Variants in TRMO observed in about 807,000 individuals in gnomAD.
The protein encoded by TRMO is tRNA (adenine(37)-N6)-methyltransferase.
TRMO carries 30 observed loss-of-function variants against 37.2 expected under a neutral mutation model. That is an observed-to-expected ratio of 0.81 (90% CI 0.60 to 1.09). TRMO has a LOEUF of 1.09. Among genes scored for constraint, TRMO ranks in the 50% least tolerant of loss-of-function variants. The pLI is 0.00. For synonymous variants in TRMO, 239 were observed against 199.4 expected (o/e 1.20, Z -1.67); for missense variants, 552 against 549.5 (o/e 1.00, Z -0.05).
At chr9:97,918,605 C>T (rs1327454851) in intron 1 of TRMO, among the ~76,000 whole-genome samples, 2 of 152,148 alleles carry the variant, frequency 1.3e-5, no homozygotes, top group Non-Finnish European at 2.9e-5. Context: ...CTTAAATCTA[C>T]CCTACCAGCA....
downstream of TRMO, among the ~76,000 whole-genome samples, chr9:97,901,176 C>A (rs1276834260): frequency 6.6e-6 from 1 of 152,206 alleles, no homozygotes; most frequent in Non-Finnish European, 1.5e-5. Flanking sequence ...AATCTGCTAT[C>A]AAGGGCTCCC....
At chr9:97,914,479 T>C (rs1187656645) in intron 2 of TRMO, among the ~76,000 whole-genome samples, 1 of 152,162 alleles carries the variant, frequency 6.6e-6, no homozygotes, top group Non-Finnish European at 1.5e-5. Context: ...AATTTGGAAG[T>C]AGTTCCCCAA....
At chr9:97,902,502 A>C (rs1422599278), downstream of TRMO, among the ~76,000 whole-genome samples, 2 of 152,072 alleles carry the variant, frequency 1.3e-5, no homozygotes, top group Admixed American at 6.6e-5. Flanking sequence ...GGGTTTCACC[A>C]TGTTGGCCAG....
At chr9:97,901,808 AACAG>A (rs946639011), downstream of TRMO, among the ~76,000 whole-genome samples, 9 of 152,244 alleles carry the variant, frequency 5.9e-5, no homozygotes, top group South Asian at 2.1e-4. Context: ...GACATAAAGA[AACAG>A]ACAGACAGAC....
the TRMO span, among the ~76,000 whole-genome samples, chr9:97,899,000 C>T: frequency 7.9e-5 from 12 of 151,654 alleles, no homozygotes; most frequent in South Asian, 8.3e-4. Flanking sequence ...TCACCACACC[C>T]GGCTAATTTT....
intron 1 of TRMO, among the ~76,000 whole-genome samples, chr9:97,916,705 C>CCT (rs1554718830): frequency 8.0e-6 from 1 of 124,620 alleles, no homozygotes; most frequent in Non-Finnish European, 1.7e-5. Context: ...GTATTTCTTT[C>CCT]TTTTTTTTTT....
downstream of TRMO, among the ~76,000 whole-genome samples, chr9:97,899,613 C>T (rs1042183451): frequency 2.6e-5 from 4 of 151,964 alleles, no homozygotes; most frequent in South Asian, 2.1e-4. Context: ...AGGCCAGGCA[C>T]GGTGGCTCAC....
At chr9:97,914,481 G>C (rs1013554852) in intron 2 of TRMO, among the ~76,000 whole-genome samples, 1 of 152,066 alleles carries the variant, frequency 6.6e-6, no homozygotes, top group Non-Finnish European at 1.5e-5. Flanking sequence ...TTTGGAAGTA[G>C]TTCCCCAAAA....
intron 3 of TRMO, chr9:97,912,707 G>T: frequency 3.0e-6 from 1 of 327,946 alleles, no homozygotes; most frequent in South Asian, 2.3e-5. Context: ...TTCACAACCA[G>T]CAGGCTGAAG....
chr9:97,916,427 T>C (rs1048115391), intron 1 of TRMO, 89 bp from the exon 2 acceptor site: 16 of 904,644 alleles, frequency 1.8e-5, no homozygotes, highest in Non-Finnish European at 2.5e-5. Flanking sequence ...ATTGGTTTCA[T>C]AGTTTTAAAA....
chr9:97,900,849 A>C (rs1435118778), downstream of TRMO: 8 of 363,766 alleles, frequency 2.2e-5, no homozygotes, highest in Non-Finnish European at 3.1e-5. Flanking sequence ...CTCCAAGAAA[A>C]AAAGTCACAA....
rs750045705 is a variant in TRMO, at chr9:97,910,414, T to C, written c.612A>G (p.Ser204=). 7 of 1,614,106 alleles carry C rather than the reference T, an allele frequency of 4.3e-6. No homozygotes were observed. In the Admixed American group the frequency reaches 1.2e-4, roughly 27 times the overall value. ...KTDSCDQRQL[S]GCDEPQPHHS... ...GGTGGGGTTGTGGCTCATCACACCC[T>C]GAGAGCTGTCGCTGGTCACAGCTGT... The change falls in exon 4 of 5, where the codon TCA becomes TCG. Residue 204 remains serine (S), a synonymous_variant. Transcript: ENST00000375119.
Position 97,904,700 on chromosome 9 carries a change from A to G in TRMO, c.*33T>C, listed in dbSNP as rs1191689893. ...ATCCAAAAGCCACATCCAAAGATCA[A>G]TGATGCTACCTTAAAGACATGAGGG... On this transcript the variant is annotated 3_prime_UTR_variant, in exon 5 of 5. Transcript: ENST00000375119. 1 of 1,603,784 alleles carries G rather than the reference A, an allele frequency of 6.2e-7. No individual in the cohort carries two copies. The highest frequency in any genetic ancestry group is 8.5e-7 in the Non-Finnish European group (1 of 1,174,776).
chr9:97,922,349 T>A lies in TRMO; in HGVS notation c.76+69A>T, dbSNP rs1179472135. 2.7e-6 allele frequency: 3 copies of A among 1,100,278 alleles called. No homozygotes were observed. In the African/African-American group the frequency reaches 4.6e-5, roughly 17 times the overall value. 68.2% of individuals were successfully genotyped at this position (1,100,278 alleles called of 1,614,324 possible). A position where few individuals can be genotyped will look rare whatever the true frequency, so the allele number is the denominator to read the frequency against. On this transcript the variant is annotated intron_variant, in intron 1 of 4. Coordinates refer to ENST00000375119, the MANE Select transcript of TRMO (RefSeq NM_016481.5). ...CCAGATCGTGCGTTTTACACCCCTC[T>A]CGGCAACGAAGTCCGCTGCCTGGGC... is the stretch of plus-strand genomic sequence containing the variant.
chr9:97,899,430 G>GTATTTATT, the TRMO span, among the ~76,000 whole-genome samples: 6,899 of 149,430 alleles, frequency 0.046, 519 homozygotes, highest in African/African-American at 0.16. Context: ...TTTTATGTAC[G>GTATTTATT]TATTTATTTA....
At chr9:97,921,058 C>T (rs549836358) in intron 1 of TRMO, among the ~76,000 whole-genome samples, 2 of 152,328 alleles carry the variant, frequency 1.3e-5, no homozygotes, top group East Asian at 3.8e-4. Context: ...AAATATGAGA[C>T]CTGTAATCGG....
chr9:97,922,382 T>C (rs932433735), intron 1 of TRMO, 36 bp downstream of exon 1: 2 of 1,430,752 alleles, frequency 1.4e-6, no homozygotes, highest in East Asian at 4.8e-5. Context: ...GGCCTAAACC[T>C]CTCCAGAGTG....
downstream of TRMO, among the ~76,000 whole-genome samples, chr9:97,899,936 GCAAA>G (rs1233331692): frequency 1.3e-5 from 2 of 151,988 alleles, no homozygotes; most frequent in South Asian, 2.1e-4. Context: ...GGGCATGGTG[GCAAA>G]CAGTTACTCA....
chr9:97,919,382 A>G (rs1297773620), intron 1 of TRMO, among the ~76,000 whole-genome samples: 1 of 151,736 alleles, frequency 6.6e-6, no homozygotes, highest in African/African-American at 2.4e-5. Context: ...AGAAAGAAAG[A>G]AAAGAAAAGA....
Sources: allele counts gnomAD v4.1 joint callset (sites outside exome capture counted in the v4.1 genomes callset), GRCh38; gene constraint gnomAD v4.1.1; transcripts MANE v1.5; gene names NCBI Gene and HGNC (gene_info 2026-07-23, HGNC 2026-07-21).